Variants in DSCAML1 observed in about 807,000 individuals in gnomAD.
DSCAML1 encodes cell adhesion molecule DSCAML1.
In DSCAML1, 38 loss-of-function variants were observed where a neutral mutation model predicts 200.5. That is an observed-to-expected ratio of 0.19 (90% CI 0.15 to 0.25). The LOEUF is 0.25. DSCAML1 is among the 10% of genes least tolerant of loss of function. DSCAML1 has a pLI of 1.00. For synonymous variants in DSCAML1, 1,215 were observed against 1,165.0 expected, an observed-to-expected ratio of 1.04 and a Z score of -0.87; for missense variants, 2,223 against 2,858.8, an observed-to-expected ratio of 0.78 and a Z score of 5.07.
intron 3 of DSCAML1, among the ~76,000 whole-genome samples, chr11:117,536,124 A>G (rs1374682191): frequency 6.6e-6 from 1 of 151,676 alleles, no homozygotes; most frequent in Non-Finnish European, 1.5e-5. Context: ...ACAGCGCGAG[A>G]GGGGAAGGAG....
intron 5 of DSCAML1, among the ~76,000 whole-genome samples, chr11:117,523,666 C>T (rs2049920100): frequency 6.6e-6 from 1 of 152,236 alleles, no homozygotes; most frequent in Non-Finnish European, 1.5e-5. Context: ...GAGTCAGACA[C>T]TAGGCCCAGA....
chr11:117,709,440 C>T (rs116475040), intron 3 of DSCAML1, among the ~76,000 whole-genome samples: 42 of 152,266 alleles, frequency 2.8e-4, no homozygotes, highest in African/African-American at 1.0e-3. Flanking sequence ...CGGATTAGGG[C>T]CCCACACTTA....
At chr11:117,442,665 C>A (rs962492513) in intron 21 of DSCAML1, among the ~76,000 whole-genome samples, 21 of 152,154 alleles carry the variant, frequency 1.4e-4, no homozygotes, top group African/African-American at 4.6e-4. Context: ...AAGAGGCCAG[C>A]CTTCTGCAAA....
Position 117,439,838 on chromosome 11 carries a change from C to T in DSCAML1, c.3961G>A (p.Val1321Met), listed in dbSNP as rs1278551508. 12 of 1,614,174 alleles carry T rather than the reference C, an allele frequency of 7.4e-6. No individual in the cohort carries two copies. The highest frequency in any genetic ancestry group is 8.5e-6 in the Non-Finnish European group (10 of 1,180,004). ...CNSVGDPAPA[V>M]KWTKDSEDSA... is the part of the protein sequence containing the mutation. ...ACACACCTGTCCTTGGTCCACTTCA[C>T]AGCAGGGGCTGGATCTCCCACTGAA... Residue 1321 changes from valine to methionine, a missense_variant, in exon 22 of 33, where the codon GTG becomes ATG. Transcript: ENST00000651296.
chr11:117,614,243 C>T lies in DSCAML1; in HGVS notation c.512-81721G>A, dbSNP rs140642344. ...TGAGAACATGGGCTTTGCATCTGCT[C>T]ACATCGCTATCCCCAGTGTCCACCA... is the stretch of plus-strand genomic sequence containing the variant. On this transcript the variant is annotated intron_variant, in intron 3 of 32. Transcript: ENST00000651296. 6.6e-3 allele frequency among the ~76,000 whole-genome samples: 1,003 copies of T among 152,244 alleles called. 7 individuals carry two copies. Among genetic ancestry groups the T allele is most frequent in the South Asian group, 0.024 (117 of 4,818 alleles).
At chr11:117,687,424 C>CTTTTTTTTTTTTTTTTTTTTTTTT (rs1440234665) in intron 3 of DSCAML1, among the ~76,000 whole-genome samples, 1 of 51,804 alleles carries the variant, frequency 1.9e-5, no homozygotes, top group African/African-American at 1.1e-4. Context: ...CCATGCCTGG[C>CTTTTTTTTTTTTTTTTTTTTTTTT]TATTTTTTTT....
At chr11:117,607,191 C>T (rs961328448) in intron 3 of DSCAML1, among the ~76,000 whole-genome samples, 1 of 152,168 alleles carries the variant, frequency 6.6e-6, no homozygotes, top group African/African-American at 2.4e-5. Context: ...TCCCTGTGGC[C>T]TTGTCTCCTG....
intron 3 of DSCAML1, among the ~76,000 whole-genome samples, chr11:117,688,277 G>T (rs1463077578): frequency 1.3e-5 from 2 of 152,210 alleles, no homozygotes; most frequent in Non-Finnish European, 2.9e-5. Context: ...ACCATCAAGG[G>T]TGGCACCTGG....
chr11:117,755,024 GTAT>G (rs2054662967), intron 3 of DSCAML1, among the ~76,000 whole-genome samples: 1 of 152,108 alleles, frequency 6.6e-6, no homozygotes, highest in African/African-American at 2.4e-5. Context: ...CTATGAATCA[GTAT>G]TATTTTTGTT....
chr11:117,811,670 G>A (rs886727137), intron 1 of DSCAML1, among the ~76,000 whole-genome samples: 2 of 152,122 alleles, frequency 1.3e-5, no homozygotes, highest in African/African-American at 4.8e-5. Flanking sequence ...AACTCACCTG[G>A]CAGCCACTCC....
chr11:117,748,571 T>G (rs1395755109), intron 3 of DSCAML1, among the ~76,000 whole-genome samples: 2 of 152,196 alleles, frequency 1.3e-5, no homozygotes, highest in African/African-American at 2.4e-5. Context: ...CCATCACACA[T>G]GGACCACAAG....
chr11:117,777,334 T>G (rs182129969), intron 2 of DSCAML1, among the ~76,000 whole-genome samples: 1 of 152,212 alleles, frequency 6.6e-6, no homozygotes, highest in Non-Finnish European at 1.5e-5. Flanking sequence ...TAAGGAAATA[T>G]GCTAGAATTC....
At chr11:117,750,917 G>A (rs903632640) in intron 3 of DSCAML1, among the ~76,000 whole-genome samples, 1 of 152,112 alleles carries the variant, frequency 6.6e-6, no homozygotes, top group Non-Finnish European at 1.5e-5. Context: ...GGCAAAGGGA[G>A]GGAGTCCTGC....
At chr11:117,448,635 G>T (rs1233663795) in intron 20 of DSCAML1, among the ~76,000 whole-genome samples, 1 of 119,336 alleles carries the variant, frequency 8.4e-6, no homozygotes, top group African/African-American at 3.1e-5. Flanking sequence ...GTGTGTGTGT[G>T]TGTGGGGGGT....
At chr11:117,470,491 C>T (rs1010632108) in intron 15 of DSCAML1, among the ~76,000 whole-genome samples, 3 of 152,246 alleles carry the variant, frequency 2.0e-5, no homozygotes, top group African/African-American at 7.2e-5. Flanking sequence ...AGGAGAATGG[C>T]ATGAACCCAG....
chr11:117,432,405 A>C lies in DSCAML1; in HGVS notation c.5126T>G (p.Leu1709Arg). The change falls in exon 30 of 33, where the codon CTC becomes CGC. Residue 1709 changes from leucine (L) to arginine (R), a missense_variant. Leu to Arg is a moderately radical substitution (Grantham distance 102). This residue lies in a region of DSCAML1 where 614 missense variants were observed against 739.1 expected (regional missense o/e 0.83). Coordinates refer to ENST00000651296, the MANE Select transcript of DSCAML1 (RefSeq NM_020693.4). ...CTGVSLHHPT[L>R]IQSTGPLIDM... is the part of the protein sequence containing the mutation. ...GATGAGGGGTCCTGTGCTCTGGATGAGGGTTGGGTGGTGCAAGGAGACGCC... is the reference window on the plus strand; with the variant it reads ...GATGAGGGGTCCTGTGCTCTGGATGCGGGTTGGGTGGTGCAAGGAGACGCC... 1 of 1,613,958 alleles carries C rather than the reference A, an allele frequency of 6.2e-7. No individual in the cohort carries two copies.
intron 3 of DSCAML1, among the ~76,000 whole-genome samples, chr11:117,749,191 C>G (rs2054563266): frequency 3.3e-5 from 5 of 152,200 alleles, no homozygotes; most frequent in Admixed American, 3.3e-4. Flanking sequence ...CCCAACCAGG[C>G]CAGACGGGGC....
intron 3 of DSCAML1, among the ~76,000 whole-genome samples, chr11:117,699,077 G>A (rs1020996335): frequency 6.6e-6 from 1 of 152,210 alleles, no homozygotes; most frequent in African/African-American, 2.4e-5. Flanking sequence ...AGCTGCCTGG[G>A]TTACATCCCT....
intron 3 of DSCAML1, among the ~76,000 whole-genome samples, chr11:117,713,653 T>C (rs2156233): frequency 0.8 from 121,282 of 152,226 alleles, 51,649 homozygotes; most frequent in Non-Finnish European, 0.94. Context: ...TCATTAATTA[T>C]ACCAAACAAA....
Sources: gnomAD v4.1 joint callset for allele counts (sites outside exome capture counted in the v4.1 genomes callset) on GRCh38, gnomAD v4.1.1 for gene constraint, gnomAD v4.1.1 regional missense constraint, MANE v1.5 for transcripts, NCBI Gene and HGNC (gene_info 2026-07-23, HGNC 2026-07-21) for gene names.